The following GHR variants were observed in gnomAD, a reference collection of about 807,000 sequenced individuals.
GHR encodes GH receptor.
Under a neutral mutation model 67.1 loss-of-function variants are expected in GHR, and 35 were observed. That is an observed-to-expected ratio of 0.52 (90% CI 0.40 to 0.69). The LOEUF (loss-of-function observed/expected upper bound fraction) is 0.69. Among genes scored for constraint, GHR ranks in the 30% least tolerant of loss-of-function variants. The pLI, the probability that GHR is intolerant of heterozygous loss-of-function variation, is 0.00. For synonymous variants in GHR, 272 were observed against 269.1 expected, an observed-to-expected ratio of 1.01 and a Z score of -0.10; for missense variants, 792 against 764.6, an observed-to-expected ratio of 1.04 and a Z score of -0.42.
At chr5:42,554,611 T>G (rs1183582542) in intron 1 of GHR, among the ~76,000 whole-genome samples, 1 of 152,118 alleles carries the variant, frequency 6.6e-6, no homozygotes, top group Non-Finnish European at 1.5e-5. Context: ...TTCTACTACC[T>G]CTCTGTGTTC....
intron 3 of GHR, among the ~76,000 whole-genome samples, chr5:42,671,887 C>T (rs533574452): frequency 1.1e-4 from 16 of 141,460 alleles, no homozygotes; most frequent in South Asian, 9.5e-4. Context: ...ACCCGGGAGG[C>T]GGAGCTTGCA....
intron 2 of GHR, among the ~76,000 whole-genome samples, chr5:42,589,825 A>G (rs1751680083): frequency 6.6e-6 from 1 of 152,224 alleles, no homozygotes; most frequent in African/African-American, 2.4e-5. Flanking sequence ...GTAGCAAATC[A>G]TCAGATGGGT....
chr5:42,454,158 G>T (rs1484432587), intron 1 of GHR, among the ~76,000 whole-genome samples: 1 of 152,160 alleles, frequency 6.6e-6, no homozygotes, highest in South Asian at 2.1e-4. Flanking sequence ...CAGTCTTCAG[G>T]TCTCCTAGCC....
At chr5:42,504,191 G>A (rs1746657137) in intron 1 of GHR, among the ~76,000 whole-genome samples, 1 of 152,156 alleles carries the variant, frequency 6.6e-6, no homozygotes, top group South Asian at 2.1e-4. Flanking sequence ...GCATTGCCCA[G>A]GTTGAATATT....
intron 2 of GHR, among the ~76,000 whole-genome samples, chr5:42,592,465 G>A (rs1001690004): frequency 3.1e-4 from 47 of 152,120 alleles, no homozygotes; most frequent in African/African-American, 8.9e-4. Context: ...CCTTATTTGT[G>A]TTTATGTGTA....
chr5:42,459,643 A>G (rs1744404760), intron 1 of GHR, among the ~76,000 whole-genome samples: 1 of 151,906 alleles, frequency 6.6e-6, no homozygotes, highest in African/African-American at 2.4e-5. Context: ...ACAAACCTGC[A>G]TAGTACCCCC....
At chr5:42,708,293 A>G (rs1758280094) in intron 6 of GHR, among the ~76,000 whole-genome samples, 1 of 152,122 alleles carries the variant, frequency 6.6e-6, no homozygotes, top group South Asian at 2.1e-4. Context: ...TTCATTTACG[A>G]AAATAGCACA....
chr5:42,645,014 C>T (rs1232491444), intron 3 of GHR, among the ~76,000 whole-genome samples: 1 of 151,928 alleles, frequency 6.6e-6, no homozygotes, highest in Admixed American at 6.6e-5. Context: ...TTACTAGTGG[C>T]CAGAGTTCTA....
chr5:42,593,444 T>C (rs1274930970), intron 2 of GHR, among the ~76,000 whole-genome samples: 1 of 152,212 alleles, frequency 6.6e-6, no homozygotes, highest in Non-Finnish European at 1.5e-5. Flanking sequence ...TTTACCTAAT[T>C]TGGTGAGCAT....
intron 1 of GHR, among the ~76,000 whole-genome samples, chr5:42,562,758 C>T (rs940209566): frequency 6.9e-6 from 1 of 145,694 alleles, no homozygotes; most frequent in Admixed American, 7.1e-5. Context: ...TCAAGCGATT[C>T]TCCTGCCTCA....
rs190770702 is a variant in GHR, at chr5:42,482,688, G to A, written c.-12+58733G>A. Among the ~76,000 whole-genome samples, 154 of 152,310 alleles carry A rather than the reference G, an allele frequency of 1.0e-3. 1 individual carries two copies. Among genetic ancestry groups the A allele is most frequent in the Admixed American group, 2.4e-3 (37 of 15,300 alleles). ...GCATAGGACCCTCCGAGCCAGGTGCGGGATATAATCTCCTGGTGTGCCATT... is the reference window on the plus strand; with the variant it reads ...GCATAGGACCCTCCGAGCCAGGTGCAGGATATAATCTCCTGGTGTGCCATT... On this transcript the variant is annotated intron_variant, in intron 1 of 9. Coordinates refer to ENST00000230882, the MANE Select transcript of GHR (RefSeq NM_000163.5).
chr5:42,506,517 G>A (rs954284265), intron 1 of GHR, among the ~76,000 whole-genome samples: 1 of 152,090 alleles, frequency 6.6e-6, no homozygotes, highest in African/African-American at 2.4e-5. Flanking sequence ...ATATTCATTA[G>A]TTCTTTCCAT....
chr5:42,631,006 T>C (rs1292834613), intron 3 of GHR, among the ~76,000 whole-genome samples: 3 of 150,690 alleles, frequency 2.0e-5, no homozygotes, highest in African/African-American at 7.4e-5. Flanking sequence ...GTGGGGCCTT[T>C]GCCCAGGAAC....
intron 1 of GHR, among the ~76,000 whole-genome samples, chr5:42,530,793 A>G (rs1323129405): frequency 6.6e-6 from 1 of 152,202 alleles, no homozygotes; most frequent in African/African-American, 2.4e-5. Context: ...ACTTCTTTCA[A>G]TAAGAACAGA....
At chr5:42,489,203 C>T in intron 1 of GHR, among the ~76,000 whole-genome samples, 1 of 152,124 alleles carries the variant, frequency 6.6e-6, no homozygotes, top group Non-Finnish European at 1.5e-5. Context: ...CCCCACTCTT[C>T]TTACCTCATT....
At chr5:42,627,964 A>C (rs1753787988) in intron 2 of GHR, among the ~76,000 whole-genome samples, 1 of 152,200 alleles carries the variant, frequency 6.6e-6, no homozygotes, top group African/African-American at 2.4e-5. Context: ...GGTGGCTCTC[A>C]GCAAGATGGA....
chr5:42,644,579 G>A (rs1754635843), intron 3 of GHR, among the ~76,000 whole-genome samples: 1 of 151,920 alleles, frequency 6.6e-6, no homozygotes, highest in Admixed American at 6.6e-5. Context: ...TGGGAAATTT[G>A]AGCATAAACT....
intron 3 of GHR, among the ~76,000 whole-genome samples, chr5:42,686,038 T>A (rs1044042119): frequency 2.0e-5 from 3 of 152,214 alleles, no homozygotes; most frequent in African/African-American, 7.2e-5. Context: ...CTGAATGGTA[T>A]TGCCTAGGTT....
At chr5:42,700,368 C>T (rs1757876049) in intron 6 of GHR, among the ~76,000 whole-genome samples, 1 of 152,122 alleles carries the variant, frequency 6.6e-6, no homozygotes, top group Admixed American at 6.6e-5. Flanking sequence ...AATATTTTCC[C>T]ATGATTTCAG....
Sources: gnomAD v4.1 joint callset for allele counts (sites outside exome capture counted in the v4.1 genomes callset) on GRCh38, gnomAD v4.1.1 for gene constraint, MANE v1.5 for transcripts, NCBI Gene and HGNC (gene_info 2026-07-23, HGNC 2026-07-21) for gene names.